The following MFHAS1 variants were observed in gnomAD, a reference collection of about 807,000 sequenced individuals.
The protein encoded by MFHAS1 is multifunctional ROCO family signaling regulator 1.
A neutral mutation model predicts 70.4 loss-of-function variants in MFHAS1; 50 were observed. The ratio of observed to expected loss-of-function variants is 0.71; its 90% CI spans 0.57 to 0.90. The LOEUF is 0.90. MFHAS1 is among the 40% of genes least tolerant of loss of function. The pLI is 0.00. For synonymous variants in MFHAS1, 952 were observed against 620.0 expected (o/e 1.54, Z -7.96); for missense variants, 1,795 against 1,347.6 (o/e 1.33, Z -5.20).
chr8:8,847,997 G>A (rs1808096899), intron 1 of MFHAS1, among the ~76,000 whole-genome samples: 1 of 152,198 alleles, frequency 6.6e-6, no homozygotes, highest in Admixed American at 6.5e-5. Context: ...ATCCTTCCCT[G>A]TTAGGGGATA....
chr8:8,786,191 T>C, intron 2 of MFHAS1, 136 bp from the exon 3 acceptor site: 1 of 808,982 alleles, frequency 1.2e-6, no homozygotes, highest in East Asian at 2.6e-5. Context: ...GGACTCATTA[T>C]AAACATGTAA....
At chr8:8,786,627 T>G (rs1805552891) in intron 2 of MFHAS1, among the ~76,000 whole-genome samples, 1 of 151,570 alleles carries the variant, frequency 6.6e-6, no homozygotes, top group Non-Finnish European at 1.5e-5. Context: ...ATAAAATGGT[T>G]AGAGGAAAAA....
At chr8:8,837,181 T>C (rs1449803213) in intron 1 of MFHAS1, among the ~76,000 whole-genome samples, 1 of 152,208 alleles carries the variant, frequency 6.6e-6, no homozygotes, top group Non-Finnish European at 1.5e-5. Context: ...AGTTCTGAAA[T>C]GATGATACAA....
At chr8:8,837,579 G>A (rs894201612) in intron 1 of MFHAS1, among the ~76,000 whole-genome samples, 8 of 151,866 alleles carry the variant, frequency 5.3e-5, no homozygotes, top group Non-Finnish European at 1.2e-4. Context: ...GGAGGCGGAG[G>A]TTGCAGTGAG....
intron 1 of MFHAS1, among the ~76,000 whole-genome samples, chr8:8,841,069 G>A (rs1449126016): frequency 6.6e-6 from 1 of 152,104 alleles, no homozygotes; most frequent in Non-Finnish European, 1.5e-5. Context: ...AAAATGTAGG[G>A]CAATTACCAA....
At chr8:8,878,672 A>G (rs75020464) in intron 1 of MFHAS1, among the ~76,000 whole-genome samples, 1 of 106,952 alleles carries the variant, frequency 9.3e-6, no homozygotes, top group Non-Finnish European at 1.9e-5. Flanking sequence ...TCAAAAAAAG[A>G]AAAAAAAAAA....
At chr8:8,841,977 T>C (rs532334646) in intron 1 of MFHAS1, among the ~76,000 whole-genome samples, 19 of 152,320 alleles carry the variant, frequency 1.2e-4, no homozygotes, top group Admixed American at 1.2e-3. Flanking sequence ...CAGCAAGGCA[T>C]GCAGTTAAAA....
rs952499258 is a variant in MFHAS1, at chr8:8,892,852, G to A, written c.207C>T (p.Asn69=). 4 of 1,597,562 alleles carry A rather than the reference G, an allele frequency of 2.5e-6. No homozygotes were observed. Among genetic ancestry groups the A allele is most frequent in the Non-Finnish European group, 1.7e-6 (2 of 1,172,732 alleles). The change falls in exon 1 of 3, where the codon AAC becomes AAT. Residue 69 remains asparagine (N), a synonymous_variant. Coordinates refer to ENST00000276282, the MANE Select transcript of MFHAS1 (RefSeq NM_004225.3). The surrounding 1 kb of genome is among the most constrained non-coding windows in gnomAD (Gnocchi z 4.7). ...CCTCCTCCAGGCCGTTGTTCCCCAGGTTCAGTGCCTCAATGTCCCCGAGGT... is the reference window on the plus strand; with the variant it reads ...CCTCCTCCAGGCCGTTGTTCCCCAGATTCAGTGCCTCAATGTCCCCGAGGT... ...PANLGDIEAL[N]LGNNGLEEVP...
chr8:8,884,439 C>T (rs1809671036), intron 1 of MFHAS1, among the ~76,000 whole-genome samples: 1 of 152,170 alleles, frequency 6.6e-6, no homozygotes, highest in South Asian at 2.1e-4. Flanking sequence ...ACAACTAGGT[C>T]ATGCTCAAAT....
At chr8:8,828,380 G>T (rs1013203476) in intron 1 of MFHAS1, among the ~76,000 whole-genome samples, 2 of 152,228 alleles carry the variant, frequency 1.3e-5, no homozygotes, top group Admixed American at 1.3e-4. Flanking sequence ...CAGAACACAT[G>T]CCAAGGCCTC....
chr8:8,859,763 T>C (rs530512408), intron 1 of MFHAS1, among the ~76,000 whole-genome samples: 1 of 152,250 alleles, frequency 6.6e-6, no homozygotes, highest in Non-Finnish European at 1.5e-5. Context: ...TGACTGTTAA[T>C]GCTATCAGTA....
At chr8:8,829,880 C>T (rs546423961) in intron 1 of MFHAS1, among the ~76,000 whole-genome samples, 9 of 152,296 alleles carry the variant, frequency 5.9e-5, no homozygotes, top group African/African-American at 1.7e-4. Context: ...CGTGAGGTCA[C>T]GTTCAGAGGT....
chr8:8,841,121 C>G (rs930818495), intron 1 of MFHAS1, among the ~76,000 whole-genome samples: 8 of 152,208 alleles, frequency 5.3e-5, no homozygotes, highest in African/African-American at 1.9e-4. Flanking sequence ...ACATCTCCTT[C>G]GCATATTCCT....
At chr8:8,832,052 G>GCACACACACA (rs1221795082) in intron 1 of MFHAS1, among the ~76,000 whole-genome samples, 2 of 35,814 alleles carry the variant, frequency 5.6e-5, no homozygotes, top group Non-Finnish European at 1.4e-4. Flanking sequence ...ACATGCACGC[G>GCACACACACA]CGCGCGCGCG....
intron 1 of MFHAS1, among the ~76,000 whole-genome samples, chr8:8,843,996 T>C (rs1054047339): frequency 6.6e-6 from 1 of 152,206 alleles, no homozygotes; most frequent in Non-Finnish European, 1.5e-5. Context: ...AATCCACTGT[T>C]CTCTGGGACT....
At chr8:8,846,255 A>C (rs1299404134) in intron 1 of MFHAS1, among the ~76,000 whole-genome samples, 1 of 54,786 alleles carries the variant, frequency 1.8e-5, no homozygotes, top group African/African-American at 7.2e-5. Flanking sequence ...TCTGTCTCCA[A>C]AAAAAAGGGG....
intron 1 of MFHAS1, 32 bp downstream of exon 1, chr8:8,890,029 C>G: frequency 6.6e-7 from 1 of 1,519,836 alleles, no homozygotes. Flanking sequence ...TTACAGCATA[C>G]CACAGAAGAA....
chr8:8,862,172 C>T (rs1808691168), intron 1 of MFHAS1, among the ~76,000 whole-genome samples: 1 of 152,200 alleles, frequency 6.6e-6, no homozygotes, highest in Non-Finnish European at 1.5e-5. Context: ...CTCCAGTTGT[C>T]ACAGCTCCTC....
At chr8:8,855,253 G>C (rs569115757) in intron 1 of MFHAS1, among the ~76,000 whole-genome samples, 1 of 152,166 alleles carries the variant, frequency 6.6e-6, no homozygotes, top group African/African-American at 2.4e-5. Context: ...ACACTCAGCC[G>C]ACATCCTGTA....
Sources: gnomAD v4.1 joint callset for allele counts (sites outside exome capture counted in the v4.1 genomes callset) on GRCh38, gnomAD v4.1.1 for gene constraint, Gnocchi (gnomAD v3.1) non-coding constraint, MANE v1.5 for transcripts, NCBI Gene and HGNC (gene_info 2026-07-23, HGNC 2026-07-21) for gene names.